OXR1: variants seen among roughly 807,000 people sequenced by gnomAD.
OXR1 encodes the protein oxidation resistance protein 1.
OXR1 carries 41 observed loss-of-function variants against 104.6 expected under a neutral mutation model. The ratio of observed to expected loss-of-function variants is 0.39; its 90% confidence interval spans 0.31 to 0.51. The LOEUF (loss-of-function observed/expected upper bound fraction) is 0.51, where lower values mean the gene tolerates loss of function less well. Among genes scored for constraint, OXR1 ranks in the 20% least tolerant of loss-of-function variants. The pLI is 0.77. For synonymous variants in OXR1, 348 were observed against 348.4 expected, an observed-to-expected ratio of 1.00 and a Z score of 0.01; for missense variants, 955 against 1,031.9, an observed-to-expected ratio of 0.93 and a Z score of 1.02.
intron 2 of OXR1, among the ~76,000 whole-genome samples, chr8:106,443,099 C>A (rs1447186090): frequency 2.6e-5 from 4 of 151,934 alleles, no homozygotes; most frequent in Non-Finnish European, 5.9e-5. Context: ...GATTCTGGTA[C>A]GTTGTATCTT....
intron 2 of OXR1, among the ~76,000 whole-genome samples, chr8:106,487,501 C>A (rs1810761385): frequency 6.6e-6 from 1 of 151,520 alleles, no homozygotes; most frequent in Non-Finnish European, 1.5e-5. Flanking sequence ...TATACATGTG[C>A]CATGCTGGTG....
At position 106,581,921 on chromosome 8, in the gene OXR1, G is replaced by A. The variant is rs573742567; in HGVS notation, c.220+62782G>A. ...TGCTTGTAATCCCAGCTACTAGGGA[G>A]GCTGAGACAGGAGAATCGCTTGAAC... On this transcript the variant is annotated intron_variant, in intron 3 of 16. Coordinates refer to ENST00000517566, the MANE Select transcript of OXR1 (RefSeq NM_001198533.2). 5.3e-5 allele frequency among the ~76,000 whole-genome samples: 8 copies of A among 150,608 alleles called. No individual in the cohort carries two copies. The South Asian group carries it at 1.5e-3, about 28-fold the overall frequency.
intron 4 of OXR1, 101 bp downstream of exon 4, chr8:106,679,393 T>C: frequency 2.0e-6 from 1 of 500,700 alleles, no homozygotes. Flanking sequence ...GTTAATTGCC[T>C]TATTTTTAAA....
chr8:106,660,625 C>T (rs1293267744), intron 3 of OXR1, among the ~76,000 whole-genome samples: 2 of 152,080 alleles, frequency 1.3e-5, no homozygotes, highest in African/African-American at 4.8e-5. Flanking sequence ...GGAGGAGTTA[C>T]GCATCAAGAA....
intron 13 of OXR1, 141 bp downstream of exon 13, chr8:106,739,724 A>G: frequency 1.4e-6 from 1 of 702,652 alleles, no homozygotes; most frequent in South Asian, 2.1e-5. Context: ...AGTAAGCAAA[A>G]CATAGCAACT....
chr8:106,458,458 A>G (rs1305141966), intron 2 of OXR1, among the ~76,000 whole-genome samples: 1 of 152,156 alleles, frequency 6.6e-6, no homozygotes, highest in African/African-American at 2.4e-5. Context: ...TCCCTCCACC[A>G]AGATTTCAAG....
chr8:106,452,680 T>C (rs1325042706), intron 2 of OXR1, among the ~76,000 whole-genome samples: 3 of 152,182 alleles, frequency 2.0e-5, no homozygotes, highest in Non-Finnish European at 4.4e-5. Context: ...TATGAGAACA[T>C]TTCAAATTAA....
intron 2 of OXR1, among the ~76,000 whole-genome samples, chr8:106,367,313 T>G (rs1177177409): frequency 1.3e-5 from 2 of 152,104 alleles, no homozygotes; most frequent in Non-Finnish European, 2.9e-5. Context: ...TCTGCCCGCC[T>G]TGGCCTCCCA....
At position 106,629,928 on chromosome 8, in the gene OXR1, T is replaced by C. The variant is rs1196779813; in HGVS notation, c.221-49282T>C. The stretch of plus-strand genomic sequence containing the variant: ...GTAATAATGTAAAACAAAATAATAG[T>C]CAATGTGATCTAAATACAGTATATC... On this transcript the variant is annotated intron_variant, in intron 3 of 16. Coordinates refer to ENST00000517566, the MANE Select transcript of OXR1 (RefSeq NM_001198533.2). 2.6e-5 allele frequency among the ~76,000 whole-genome samples: 4 copies of C among 152,264 alleles called. 1 individual carries two copies. In the South Asian group the frequency reaches 6.2e-4, roughly 24 times the overall value.
At chr8:106,345,223 G>A (rs946997501) in intron 1 of OXR1, among the ~76,000 whole-genome samples, 10 of 152,126 alleles carry the variant, frequency 6.6e-5, no homozygotes, top group African/African-American at 2.4e-4. Context: ...CACATAGCAG[G>A]TGCTCAATAA....
At chr8:106,657,212 A>G (rs1481695379) in intron 3 of OXR1, among the ~76,000 whole-genome samples, 2 of 152,174 alleles carry the variant, frequency 1.3e-5, no homozygotes, top group Non-Finnish European at 2.9e-5. Flanking sequence ...AGAATGTCCA[A>G]CACTAACATG....
chr8:106,654,490 G>T (rs1282968687), intron 3 of OXR1, among the ~76,000 whole-genome samples: 1 of 152,062 alleles, frequency 6.6e-6, no homozygotes, highest in Admixed American at 6.6e-5. Context: ...ATAAAAGAAT[G>T]AATTTGGACC....
intron 7 of OXR1, among the ~76,000 whole-genome samples, chr8:106,699,688 A>G (rs1281532813): frequency 6.6e-6 from 1 of 152,240 alleles, no homozygotes; most frequent in Non-Finnish European, 1.5e-5. Context: ...TGGCAGGATT[A>G]GGAATGATCT....
At chr8:106,749,697 A>G (rs1835714340) in intron 16 of OXR1, among the ~76,000 whole-genome samples, 2 of 152,208 alleles carry the variant, frequency 1.3e-5, no homozygotes, top group African/African-American at 4.8e-5. Flanking sequence ...AATTCTGCTG[A>G]CTTGATATAT....
intron 2 of OXR1, among the ~76,000 whole-genome samples, chr8:106,416,182 A>G (rs1818670546): frequency 6.6e-6 from 1 of 151,502 alleles, no homozygotes; most frequent in Non-Finnish European, 1.5e-5. Context: ...AGATGAGAAA[A>G]CAGGAGCTAT....
In OXR1 at chr8:106,656,415, C is replaced by T. The variant is rs1825078148; in HGVS notation, c.221-22795C>T. 3 of 152,320 alleles carry T rather than the reference C, an allele frequency of 2.0e-5. No individual in the cohort carries two copies. The South Asian group carries it at 6.2e-4, about 32-fold the overall frequency. The allele number at this position is 152,320 out of a possible 1,614,324, so 9.4% of individuals were successfully genotyped here. A position where few individuals can be genotyped will look rare whatever the true frequency, so the allele number is the denominator to read the frequency against. Reference sequence around the variant, plus strand: ...TCTCTGGGTCCCTTTTTTATAAGGGCACTAATCGCATTCATGCGGCCTCTA... The same window carrying T: ...TCTCTGGGTCCCTTTTTTATAAGGGTACTAATCGCATTCATGCGGCCTCTA... On this transcript the variant is annotated intron_variant, in intron 3 of 16. Transcript: ENST00000517566.
intron 1 of OXR1, among the ~76,000 whole-genome samples, chr8:106,275,510 G>T (rs1812001073): frequency 6.6e-6 from 1 of 152,160 alleles, no homozygotes; most frequent in Non-Finnish European, 1.5e-5. Context: ...AACATTCTGT[G>T]TCACTATTTT....
chr8:106,413,382 T>TATG (rs2130512930), intron 2 of OXR1, among the ~76,000 whole-genome samples: 1 of 152,270 alleles, frequency 6.6e-6, no homozygotes, highest in African/African-American at 2.4e-5. Flanking sequence ...TGTGCTAATG[T>TATG]ATGTGCTAGT....
At chr8:106,543,011 C>T (rs1459769628) in intron 3 of OXR1, among the ~76,000 whole-genome samples, 1 of 152,132 alleles carries the variant, frequency 6.6e-6, no homozygotes, top group Non-Finnish European at 1.5e-5. Context: ...TGACTTAAGA[C>T]ACAATTCTGA....
Sources: gnomAD v4.1 joint callset for allele counts (sites outside exome capture counted in the v4.1 genomes callset) on GRCh38, gnomAD v4.1.1 for gene constraint, MANE v1.5 for transcripts, NCBI Gene and HGNC (gene_info 2026-07-23, HGNC 2026-07-21) for gene names.